Variants in AGBL4 observed in about 807,000 individuals in gnomAD.
AGBL4 encodes cytosolic carboxypeptidase 6.
Under a neutral mutation model 66.4 loss-of-function variants are expected in AGBL4, and 58 were observed. The ratio of observed to expected loss-of-function variants is 0.87; its 90% CI spans 0.71 to 1.09. AGBL4 has a LOEUF of 1.09. AGBL4 is among the 50% of genes least tolerant of loss of function. The pLI, the probability that AGBL4 is intolerant of heterozygous loss-of-function variation, is 0.00. For synonymous variants in AGBL4, 234 were observed against 222.9 expected, an observed-to-expected ratio of 1.05 and a Z score of -0.44; for missense variants, 579 against 631.0, an observed-to-expected ratio of 0.92 and a Z score of 0.88.
At chr1:49,261,284 A>T (rs1653134624) in intron 3 of AGBL4, among the ~76,000 whole-genome samples, 1 of 152,186 alleles carries the variant, frequency 6.6e-6, no homozygotes, top group South Asian at 2.1e-4. Context: ...CTCCTATTCA[A>T]CATAGTGTTG....
chr1:50,002,064 A>C (rs928303748), intron 1 of AGBL4, among the ~76,000 whole-genome samples: 1 of 152,238 alleles, frequency 6.6e-6, no homozygotes, highest in Non-Finnish European at 1.5e-5. Context: ...TGCTACCTTC[A>C]GTGTACTTTT....
intron 3 of AGBL4, among the ~76,000 whole-genome samples, chr1:49,654,016 T>A (rs1462106197): frequency 6.6e-6 from 1 of 151,918 alleles, no homozygotes; most frequent in Non-Finnish European, 1.5e-5. Context: ...CCAAGACACA[T>A]AATCATCAGA....
intron 6 of AGBL4, among the ~76,000 whole-genome samples, chr1:48,794,600 C>G (rs1348248732): frequency 1.3e-5 from 2 of 152,236 alleles, no homozygotes; most frequent in Non-Finnish European, 2.9e-5. Flanking sequence ...CATTTGGTCT[C>G]TCAGGAGCAT....
intron 4 of AGBL4, among the ~76,000 whole-genome samples, chr1:49,088,933 T>C (rs988941180): frequency 6.6e-6 from 1 of 151,536 alleles, no homozygotes; most frequent in African/African-American, 2.4e-5. Context: ...AAAATAGAAA[T>C]CAATACTAAA....
At chr1:49,014,438 C>T (rs867719450) in intron 5 of AGBL4, among the ~76,000 whole-genome samples, 11 of 152,200 alleles carry the variant, frequency 7.2e-5, no homozygotes, top group African/African-American at 2.7e-4. Flanking sequence ...TCTTGTGCCT[C>T]AGTTTTCCCT....
At chr1:49,410,035 A>C (rs1645284819) in intron 3 of AGBL4, among the ~76,000 whole-genome samples, 2 of 152,186 alleles carry the variant, frequency 1.3e-5, no homozygotes, top group South Asian at 4.1e-4. Context: ...TGGGTCCCTG[A>C]AGTACTACAA....
intron 6 of AGBL4, among the ~76,000 whole-genome samples, chr1:48,840,906 T>C (rs539253527): frequency 5.3e-5 from 8 of 152,116 alleles, no homozygotes; most frequent in African/African-American, 1.7e-4. Context: ...ATCTATACAA[T>C]TGAATAATAC....
At chr1:48,662,008 G>T (rs1230112146) in intron 7 of AGBL4, among the ~76,000 whole-genome samples, 1 of 152,174 alleles carries the variant, frequency 6.6e-6, no homozygotes, top group Non-Finnish European at 1.5e-5. Context: ...ATACAAGCTG[G>T]TCGGCTTTGG....
intron 3 of AGBL4, among the ~76,000 whole-genome samples, chr1:49,543,559 T>C (rs1022591366): frequency 3.3e-5 from 5 of 152,146 alleles, no homozygotes; most frequent in African/African-American, 7.2e-5. Context: ...CCGAGAATAC[T>C]GTAAACAAGC....
chr1:48,705,238 G>T (rs564524752), intron 6 of AGBL4, among the ~76,000 whole-genome samples: 8 of 152,158 alleles, frequency 5.3e-5, no homozygotes, highest in Admixed American at 2.0e-4. Context: ...TAAAAAAATA[G>T]AGAAAACATT....
chr1:48,577,985 G>A (rs1644680622), intron 11 of AGBL4, among the ~76,000 whole-genome samples: 1 of 152,258 alleles, frequency 6.6e-6, no homozygotes, highest in South Asian at 2.1e-4. Context: ...TTTTACATTC[G>A]CACTCTACCA....
At chr1:48,614,844 A>G (rs1645293875) in intron 9 of AGBL4, among the ~76,000 whole-genome samples, 1 of 152,248 alleles carries the variant, frequency 6.6e-6, no homozygotes, top group African/African-American at 2.4e-5. Context: ...TTCAGAGTTC[A>G]ATAGATCTAG....
intron 1 of AGBL4, among the ~76,000 whole-genome samples, chr1:50,004,127 A>G (rs1328720789): frequency 6.6e-6 from 1 of 152,160 alleles, no homozygotes; most frequent in East Asian, 1.9e-4. Context: ...TGCGCACTTG[A>G]GGGAGAAAGA....
chr1:49,955,781 G>T (rs148863902), intron 1 of AGBL4, among the ~76,000 whole-genome samples: 5 of 151,850 alleles, frequency 3.3e-5, no homozygotes, highest in Non-Finnish European at 5.9e-5. Flanking sequence ...CCAATGAACT[G>T]CCCCCAGATA....
intron 5 of AGBL4, among the ~76,000 whole-genome samples, chr1:48,905,228 CACTT>C (rs776331261): frequency 4.6e-5 from 7 of 152,180 alleles, no homozygotes; most frequent in Non-Finnish European, 7.3e-5. Context: ...CTATGAAAGA[CACTT>C]ACAACAAGAG....
intron 4 of AGBL4, among the ~76,000 whole-genome samples, chr1:49,162,850 C>A (rs538223656): frequency 1.8e-4 from 28 of 152,250 alleles, no homozygotes; most frequent in African/African-American, 6.3e-4. Flanking sequence ...AATGATAGCA[C>A]AGCAATTAAC....
At chr1:49,937,290 C>G (rs1315145136) in intron 1 of AGBL4, among the ~76,000 whole-genome samples, 1 of 152,104 alleles carries the variant, frequency 6.6e-6, no homozygotes, top group African/African-American at 2.4e-5. Context: ...GAAGAGCTAA[C>G]TATCCTAAAT....
chr1:48,864,360 C>T (rs984939433), intron 6 of AGBL4, among the ~76,000 whole-genome samples: 7 of 152,160 alleles, frequency 4.6e-5, no homozygotes, highest in African/African-American at 1.4e-4. Context: ...TGTTCAATTA[C>T]TTTGGAAAAC....
intron 3 of AGBL4, among the ~76,000 whole-genome samples, chr1:49,343,831 A>G (rs751601726): frequency 2.3e-4 from 35 of 152,250 alleles, no homozygotes; most frequent in Admixed American, 2.0e-3. Context: ...TGTTTAAATC[A>G]ACTATTTTGT....
Sources: gnomAD v4.1 joint callset for allele counts (sites outside exome capture counted in the v4.1 genomes callset) on GRCh38, gnomAD v4.1.1 for gene constraint, MANE v1.5 for transcripts, NCBI Gene and HGNC (gene_info 2026-07-23, HGNC 2026-07-21) for gene names.